The following LRRN4 variants were observed in gnomAD, a reference collection of about 807,000 sequenced individuals.
LRRN4 encodes the protein leucine rich repeat neuronal 4.
LRRN4 carries 26 observed loss-of-function variants against 22.3 expected under a neutral mutation model. That is an observed-to-expected ratio of 1.16 (90% confidence interval 0.85 to 1.62). LRRN4 has a LOEUF of 1.62. Among genes scored for constraint, LRRN4 ranks in the 40% most tolerant of loss-of-function variants. LRRN4 has a pLI of 0.00. For synonymous variants in LRRN4, 496 were observed against 486.2 expected, an observed-to-expected ratio of 1.02 and a Z score of -0.26; for missense variants, 1,070 against 1,008.5, an observed-to-expected ratio of 1.06 and a Z score of -0.83.
At chr20:6,051,365 G>A (rs766227414) in intron 2 of LRRN4, among the ~76,000 whole-genome samples, 52 of 152,308 alleles carry the variant, frequency 3.4e-4, no homozygotes, top group Non-Finnish European at 5.0e-4. Context: ...TGTCAAGTGT[G>A]GGGAACTTCT....
intron 3 of LRRN4, among the ~76,000 whole-genome samples, chr20:6,049,670 T>G (rs1373065320): frequency 1.3e-5 from 2 of 152,108 alleles, no homozygotes; most frequent in Non-Finnish European, 2.9e-5. Context: ...CCAGCTAATT[T>G]TGTATTTCTT....
At chr20:6,051,378 G>A (rs1981241805) in intron 2 of LRRN4, among the ~76,000 whole-genome samples, 1 of 152,162 alleles carries the variant, frequency 6.6e-6, no homozygotes, top group African/African-American at 2.4e-5. Flanking sequence ...GAACTTCTGC[G>A]GAACGTAATT....
chr20:6,049,760 C>T lies in LRRN4; in HGVS notation c.860+1019G>A, dbSNP rs570262654. On this transcript the variant is annotated intron_variant, in intron 3 of 4. Transcript: ENST00000378858. ...TCAGGTGATCCACCCACCTCGGCCT[C>T]CCAAAGTGCTGGGATTACAGGCATG... is the stretch of plus-strand genomic sequence containing the variant. Among the ~76,000 whole-genome samples the T allele has an allele frequency of 2.9e-4, 44 of 152,140 alleles. 1 individual carries two copies. The highest frequency in any genetic ancestry group is 5.7e-4 in the Non-Finnish European group (39 of 68,010).
At chr20:6,049,504 T>C (rs1981194287) in intron 3 of LRRN4, among the ~76,000 whole-genome samples, 1 of 151,664 alleles carries the variant, frequency 6.6e-6, no homozygotes, top group African/African-American at 2.4e-5. Flanking sequence ...ATTTTTTTGT[T>C]TTGTTTTGAT....
In LRRN4 at chr20:6,041,768, T is replaced by G. The variant is rs1482042539; in HGVS notation, c.1477A>C (p.Ser493Arg). ...LGPFPTSWDR[S>R]ISSPQPGQRT... ...TGGCCGGGCTGAGGCGAGCTTATGC[T>G]GCGGTCCCACGAGGTAGGGAAGGGG... Residue 493 changes from serine (S) to arginine (R), a missense_variant, in exon 5 of 5, where the codon AGC (serine) becomes CGC (arginine). Transcript: ENST00000378858. This position sits in a 1 kb window ranked among gnomAD's most constrained non-coding sequence, Gnocchi z 9.4. 2 of 1,614,076 alleles carry G rather than the reference T, an allele frequency of 1.2e-6. No individual in the cohort carries two copies. The highest frequency in any genetic ancestry group is 2.2e-5 in the South Asian group (2 of 91,074).
rs1031181130 is a variant in LRRN4 at position 6,052,159 on chromosome 20, G to T, written c.641C>A (p.Thr214Lys). ...CCCGGACTCACCCCGTTCAAGGAAC[G>T]TGCCGCTGAGATCCAGGACTTCGAG... ...VTLEVLDLSG[T>K]FLERVESGWI... is the part of the protein sequence containing the mutation. The change falls in exon 2 of 5, where the codon ACG becomes AAG. Residue 214 changes from threonine to lysine, a missense_variant. Transcript: ENST00000378858. 2 of 1,597,470 alleles carry T rather than the reference G, an allele frequency of 1.3e-6. No individual in the cohort carries two copies. Among genetic ancestry groups the T allele is most frequent in the African/African-American group, 1.3e-5 (1 of 74,388 alleles).
At position 6,041,912 on chromosome 20, in the gene LRRN4, C is replaced by T. The variant is rs745340794; in HGVS notation, c.1333G>A (p.Val445Ile). The change falls in exon 5 of 5, where the codon GTT becomes ATT. Residue 445 changes from valine (V) to isoleucine (I), a missense_variant. Physicochemically the swap from Val to Ile is conservative, Grantham distance 29. Transcript: ENST00000378858. The surrounding 1 kb of genome is among the most constrained non-coding windows in gnomAD (Gnocchi z 9.4). ...GTGGTGCTGGCAGCCCTGGGGAAAACGCTGGAGTTGCTGTGACCTGCTACA... is the reference window on the plus strand; with the variant it reads ...GTGGTGCTGGCAGCCCTGGGGAAAATGCTGGAGTTGCTGTGACCTGCTACA... ...NSVAGHSNSS[V>I]FPRAASTTRT... is the part of the protein sequence containing the mutation. 35 of 1,614,004 alleles carry T rather than the reference C, an allele frequency of 2.2e-5. No individual in the cohort carries two copies. Among genetic ancestry groups the T allele is most frequent in the Admixed American group, 1.8e-4 (11 of 60,004 alleles).
Position 6,050,877 on chromosome 20 carries a change from G to A in LRRN4, c.762C>T (p.Asn254=). 1 of 1,614,190 alleles carries A rather than the reference G, an allele frequency of 6.2e-7. No homozygotes were observed. The highest frequency in any genetic ancestry group is 8.5e-7 in the Non-Finnish European group (1 of 1,180,022). Residue 254 remains asparagine, a synonymous_variant, in exon 3 of 5, where the codon AAC becomes AAT. Coordinates refer to ENST00000378858, the MANE Select transcript of LRRN4 (RefSeq NM_152611.5). ...AGTCCTGACAGTCCAGCTGCTGCAG[G>A]TTGGGGGTCATCTTGAAAATGTCCC... ...LEGDIFKMTP[N]LQQLDCQDSP...
chr20:6,049,719 T>C (rs1436099873), intron 3 of LRRN4, among the ~76,000 whole-genome samples: 1 of 152,104 alleles, frequency 6.6e-6, no homozygotes, highest in Admixed American at 6.5e-5. Flanking sequence ...GCCAGGCTGG[T>C]CTCGAACTCC....
chr20:6,047,838 G>T (rs1034941242), intron 3 of LRRN4, among the ~76,000 whole-genome samples: 18 of 151,486 alleles, frequency 1.2e-4, no homozygotes, highest in Non-Finnish European at 2.4e-4. Context: ...CTGTCAAAAG[G>T]GCCCATAATA....
intron 3 of LRRN4, among the ~76,000 whole-genome samples, chr20:6,047,455 C>A (rs1981130664): frequency 6.6e-6 from 1 of 150,380 alleles, no homozygotes; most frequent in African/African-American, 2.4e-5. Flanking sequence ...CACACACACA[C>A]ACACACACAC....
intron 3 of LRRN4, among the ~76,000 whole-genome samples, chr20:6,047,050 C>G (rs73603075): frequency 0.016 from 2,452 of 152,096 alleles, 68 homozygotes; most frequent in African/African-American, 0.056. Flanking sequence ...GTGAGGTAGA[C>G]AGCATGTTAC....
chr20:6,041,274 C>A lies in LRRN4; in HGVS notation c.1971G>T (p.Ala657=). 1 of 1,590,610 alleles carries A rather than the reference C, an allele frequency of 6.3e-7. No homozygotes were observed. Among genetic ancestry groups the A allele is most frequent in the African/African-American group, 1.3e-5 (1 of 74,758 alleles). The change falls in exon 5 of 5, where the codon GCG becomes GCT. Residue 657 remains alanine (A), a synonymous_variant. Coordinates refer to ENST00000378858, the MANE Select transcript of LRRN4 (RefSeq NM_152611.5). The surrounding 1 kb of genome is among the most constrained non-coding windows in gnomAD (Gnocchi z 9.4). ...CCGAAGACCGTGGCTGGCTCAAGCCCGCCCTGTTGGCCGCCAGCACGCACA... is the reference window on the plus strand; with the variant it reads ...CCGAAGACCGTGGCTGGCTCAAGCCAGCCCTGTTGGCCGCCAGCACGCACA... ...YRVCVLAANR[A]GLSQPRSSGW... is the part of the protein sequence containing the mutation.
Position 6,052,694 on chromosome 20 carries a change from A to T in LRRN4, c.106T>A (p.Trp36Arg). Residue 36 changes from tryptophan to arginine, a missense_variant, in exon 2 of 5, where the codon TGG becomes AGG. Transcript: ENST00000378858. The stretch of plus-strand genomic sequence containing the variant: ...GTGGCGTTGCTGCCACTGCTCCCCC[A>T]GGGGCCCTGCTGAGTGACCCGGAAG... ...PLFRVTQQGP[W>R]GSSGSNATDS... is the part of the protein sequence containing the mutation. The T allele has an allele frequency of 1.3e-6, 2 of 1,572,392 alleles. No individual in the cohort carries two copies. Among genetic ancestry groups the T allele is most frequent in the Non-Finnish European group, 1.7e-6 (2 of 1,166,852 alleles).
Position 6,052,500 on chromosome 20 carries a change from C to G in LRRN4, c.300G>C (p.Gln100His). ...LSTSELGHLE[Q>H]LQVLTLRHNR... Reference sequence around the variant, plus strand: ...TGTGGCGCAGGGTCAGCACCTGCAGCTGCTCCAGGTGGCCGAGCTCGGAAG... The same window carrying G: ...TGTGGCGCAGGGTCAGCACCTGCAGGTGCTCCAGGTGGCCGAGCTCGGAAG... The change falls in exon 2 of 5, where the codon CAG (glutamine) becomes CAC (histidine). Residue 100 changes from glutamine (Q) to histidine (H), a missense_variant. Coordinates refer to ENST00000378858, the MANE Select transcript of LRRN4 (RefSeq NM_152611.5). 1 of 1,580,248 alleles carries G rather than the reference C, an allele frequency of 6.3e-7. No individual in the cohort carries two copies. The highest frequency in any genetic ancestry group is 1.8e-5 in the Admixed American group (1 of 56,556).
In LRRN4 at chr20:6,040,957, C is replaced by A; in HGVS notation, c.*65G>T. On this transcript the variant is annotated 3_prime_UTR_variant, in exon 5 of 5. Transcript: ENST00000378858. ...TAGGAGCGGATGGGGTCGTTTTTGA[C>A]CGTCTGTGTCTTCCTTTTTGCGCTC... The A allele has an allele frequency of 2.2e-5, 35 of 1,561,410 alleles. No individual in the cohort carries two copies. The highest frequency in any genetic ancestry group is 3.4e-4 in the Middle Eastern group (2 of 5,808).
At position 6,053,994 on chromosome 20, in the gene LRRN4, G is replaced by A. The variant is rs1981327517; in HGVS notation, c.-170C>T. On this transcript the variant is annotated 5_prime_UTR_variant, in exon 1 of 5. The change creates a premature stop within an existing upstream ORF in the 5' untranslated region. Transcript: ENST00000378858. ...CTCTCTCCCACAACCCCCATCCACT[G>A]AGAGGGACTGAGATACTCCAGTCTT... is the stretch of plus-strand genomic sequence containing the variant. The A allele has an allele frequency of 6.6e-6, 1 of 152,404 alleles. No homozygotes were observed. The highest frequency in any genetic ancestry group is 6.5e-5 in the Admixed American group (1 of 15,286). 9.4% of individuals were successfully genotyped at this position (152,404 alleles called of 1,614,324 possible). A position where few individuals can be genotyped will look rare whatever the true frequency, so the allele number is the denominator to read the frequency against.
At position 6,041,159 on chromosome 20, in the gene LRRN4, C is replaced by A. The variant is rs947755851; in HGVS notation, c.2086G>T (p.Ala696Ser). 3 of 1,603,856 alleles carry A rather than the reference C, an allele frequency of 1.9e-6. No homozygotes were observed. The highest frequency in any genetic ancestry group is 2.6e-6 in the Non-Finnish European group (3 of 1,175,036). Reference protein sequence around the residue: ...GLCAASGLLLASTVVLSACLC... With the variant: ...GLCAASGLLLSSTVVLSACLC... ...CATGCGGACAGCACCACGGTGCTGG[C>A]GAGCAACAGGCCGCTGGCGGCGCAC... The change falls in exon 5 of 5, where the codon GCC becomes TCC. Residue 696 changes from alanine to serine, a missense_variant. By Grantham distance (99) the Ala-to-Ser change is moderately conservative (BLOSUM62 1). Transcript: ENST00000378858. The surrounding 1 kb of genome is among the most constrained non-coding windows in gnomAD (Gnocchi z 9.4).
chr20:6,042,386 G>GCA, intron 4 of LRRN4, 140 bp from the exon 5 acceptor site: 1 of 894,486 alleles, frequency 1.1e-6, no homozygotes, highest in Non-Finnish European at 1.7e-6. Flanking sequence ...CACACACGCC[G>GCA]CACACACACA....
Sources: gnomAD v4.1 joint callset for allele counts (sites outside exome capture counted in the v4.1 genomes callset) on GRCh38, gnomAD v4.1.1 for gene constraint, Gnocchi (gnomAD v3.1) non-coding constraint, MANE v1.5 for transcripts, NCBI Gene and HGNC (gene_info 2026-07-23, HGNC 2026-07-21) for gene names.